The following FSTL4 variants were observed in gnomAD, a reference collection of about 807,000 sequenced individuals.
The protein encoded by FSTL4 is follistatin-related protein 4.
In FSTL4, 28 loss-of-function variants were observed where a neutral mutation model predicts 78.2. That is an observed-to-expected ratio of 0.36 (90% CI 0.27 to 0.49). The LOEUF (loss-of-function observed/expected upper bound fraction) is 0.49. Among genes scored for constraint, FSTL4 ranks in the 20% least tolerant of loss-of-function variants. FSTL4 has a pLI of 0.98. For synonymous variants in FSTL4, 422 were observed against 440.5 expected (o/e 0.96, Z 0.53); for missense variants, 922 against 1,084.9 (o/e 0.85, Z 2.11).
the FSTL4 span, among the ~76,000 whole-genome samples, chr5:133,657,924 G>A: frequency 6.6e-6 from 1 of 151,710 alleles, no homozygotes; most frequent in Non-Finnish European, 1.5e-5. Context: ...TTAGATTTTA[G>A]TAAATAGCCT....
intron 3 of FSTL4, among the ~76,000 whole-genome samples, chr5:133,413,423 T>C (rs1021440779): frequency 6.6e-6 from 1 of 152,190 alleles, no homozygotes. Flanking sequence ...GATAGCCTTT[T>C]CATTCCCTTA....
At chr5:133,591,918 G>A (rs371542051) in intron 2 of FSTL4, among the ~76,000 whole-genome samples, 50 of 152,240 alleles carry the variant, frequency 3.3e-4, no homozygotes, top group African/African-American at 1.1e-3. Flanking sequence ...CTTTGTACAT[G>A]AGCATGTTAG....
chr5:133,700,846 G>A, the FSTL4 span, among the ~76,000 whole-genome samples: 1 of 152,210 alleles, frequency 6.6e-6, no homozygotes, highest in East Asian at 1.9e-4. Context: ...TATACATTTA[G>A]AAAGAAGTTA....
chr5:133,826,217 G>A, the FSTL4 span, among the ~76,000 whole-genome samples: 1 of 152,198 alleles, frequency 6.6e-6, no homozygotes, highest in African/African-American at 2.4e-5. Context: ...TTCAGATGGC[G>A]CCACATGGCT....
chr5:133,408,327 T>C (rs1020113), intron 3 of FSTL4, among the ~76,000 whole-genome samples: 1 of 151,800 alleles, frequency 6.6e-6, no homozygotes, highest in South Asian at 2.1e-4. Context: ...GCTGCCAAGG[T>C]CTCTCATCTC....
At chr5:133,715,463 C>T in the FSTL4 span, among the ~76,000 whole-genome samples, 1 of 152,178 alleles carries the variant, frequency 6.6e-6, no homozygotes, top group Non-Finnish European at 1.5e-5. Context: ...CAAATGAGTG[C>T]ATCATGTTCA....
rs983737048 is a variant in FSTL4 at position 133,433,653 on chromosome 5, G to T, written c.161-32667C>A. Reference sequence around the variant, plus strand: ...AGTTAAGAAAAAAAATCAGATGGTCGTGAGTGCAGACAATTAAAATACATT... The same window carrying T: ...AGTTAAGAAAAAAAATCAGATGGTCTTGAGTGCAGACAATTAAAATACATT... On this transcript the variant is annotated intron_variant, in intron 3 of 15. Coordinates refer to ENST00000265342, the MANE Select transcript of FSTL4 (RefSeq NM_015082.2). 2.0e-5 allele frequency among the ~76,000 whole-genome samples: 3 copies of T among 152,168 alleles called. No homozygotes were observed. The South Asian group carries it at 6.2e-4, about 32-fold the overall frequency.
chr5:133,620,686 G>C, the FSTL4 span, among the ~76,000 whole-genome samples: 35 of 152,264 alleles, frequency 2.3e-4, no homozygotes, highest in East Asian at 6.8e-3. Flanking sequence ...GAGATAAACT[G>C]AGTAAAGGAA....
intron 3 of FSTL4, among the ~76,000 whole-genome samples, chr5:133,472,556 G>A (rs532301222): frequency 2.4e-4 from 36 of 152,304 alleles, no homozygotes; most frequent in Middle Eastern, 3.4e-3. Context: ...GGGTAAAAAA[G>A]GAGAATTTAT....
At chr5:133,379,880 T>C (rs1334194033) in intron 4 of FSTL4, among the ~76,000 whole-genome samples, 2 of 151,932 alleles carry the variant, frequency 1.3e-5, no homozygotes, top group Non-Finnish European at 2.9e-5. Flanking sequence ...ATCGAGACCA[T>C]CCTGGCCAAC....
intron 2 of FSTL4, among the ~76,000 whole-genome samples, chr5:133,594,560 A>T (rs1760703092): frequency 6.6e-6 from 1 of 152,202 alleles, no homozygotes; most frequent in African/African-American, 2.4e-5. Context: ...AGAAAATAGC[A>T]GAGGAAGAAG....
At chr5:133,371,880 C>T (rs1755313199) in intron 4 of FSTL4, among the ~76,000 whole-genome samples, 1 of 152,216 alleles carries the variant, frequency 6.6e-6, no homozygotes. Context: ...CCAACAGCCT[C>T]GGCTGCTGCT....
chr5:133,693,317 A>G, the FSTL4 span, among the ~76,000 whole-genome samples: 47 of 152,344 alleles, frequency 3.1e-4, no homozygotes, highest in African/African-American at 1.1e-3. Context: ...AAGATTAGGG[A>G]GCCTTTTATG....
chr5:133,713,646 C>T, the FSTL4 span, among the ~76,000 whole-genome samples: 1 of 152,192 alleles, frequency 6.6e-6, no homozygotes. Flanking sequence ...GCCAGTCCAA[C>T]CCCCAAATAG....
chr5:133,230,227 G>A (rs1451525405), intron 8 of FSTL4, among the ~76,000 whole-genome samples: 1 of 152,098 alleles, frequency 6.6e-6, no homozygotes, highest in Non-Finnish European at 1.5e-5. Context: ...ATAGGGGCAG[G>A]TCGGGGGAGC....
At chr5:133,716,526 G>C in the FSTL4 span, among the ~76,000 whole-genome samples, 1 of 152,118 alleles carries the variant, frequency 6.6e-6, no homozygotes, top group African/African-American at 2.4e-5. Context: ...CTTCCCTGCA[G>C]TCAGGCAGGA....
chr5:133,285,347 G>T (rs552818203), intron 6 of FSTL4, among the ~76,000 whole-genome samples: 3 of 152,286 alleles, frequency 2.0e-5, no homozygotes, highest in East Asian at 1.9e-4. Flanking sequence ...CAGTGTCCTG[G>T]CAGAATGAGG....
At chr5:133,353,022 CTCT>C (rs1350206706) in intron 4 of FSTL4, among the ~76,000 whole-genome samples, 4 of 152,054 alleles carry the variant, frequency 2.6e-5, no homozygotes, top group Non-Finnish European at 5.9e-5. Flanking sequence ...CAGATCTGTC[CTCT>C]TCTTCCCATT....
rs535476904 is a variant in FSTL4, at chr5:133,362,686, C to A, written c.409+38052G>T. Reference sequence around the variant, plus strand: ...TGCCCATGGAGACTGGAAAATGCTCCCTGTCCAGAGCAGGCAAAAGAACAC... The same window carrying A: ...TGCCCATGGAGACTGGAAAATGCTCACTGTCCAGAGCAGGCAAAAGAACAC... On this transcript the variant is annotated intron_variant, in intron 4 of 15. Transcript: ENST00000265342. Among the ~76,000 whole-genome samples the A allele has an allele frequency of 1.4e-4, 22 of 152,326 alleles. No individual in the cohort carries two copies. In the South Asian group the frequency reaches 1.5e-3, roughly 10 times the overall value.
Sources: allele counts gnomAD v4.1 joint callset (sites outside exome capture counted in the v4.1 genomes callset), GRCh38; gene constraint gnomAD v4.1.1; transcripts MANE v1.5; gene names NCBI Gene and HGNC (gene_info 2026-07-23, HGNC 2026-07-21).